The following CEP290 variants were observed in gnomAD, a reference collection of about 807,000 sequenced individuals.
CEP290 encodes the protein centrosomal protein of 290 kDa.
CEP290 carries 317 observed loss-of-function variants against 344.9 expected under a neutral mutation model. The observed-to-expected ratio is 0.92, with a 90% CI of 0.84 to 1.01. CEP290 has a LOEUF of 1.01. Among genes scored for constraint, CEP290 ranks in the 50% least tolerant of loss-of-function variants. CEP290 has a pLI of 0.00. For synonymous variants in CEP290, 932 were observed against 895.8 expected, an observed-to-expected ratio of 1.04 and a Z score of -0.72; for missense variants, 2,754 against 2,761.4, an observed-to-expected ratio of 1.00 and a Z score of 0.06.
intron 7 of CEP290, 131 bp from the exon 8 acceptor site, chr12:88,130,696 A>G: frequency 1.7e-6 from 1 of 586,818 alleles, no homozygotes; most frequent in East Asian, 3.2e-5. Context: ...ATAACCAAAG[A>G]AAGAATACTA....
chr12:88,132,615 G>C (rs2040141732), intron 6 of CEP290, among the ~76,000 whole-genome samples: 1 of 152,144 alleles, frequency 6.6e-6, no homozygotes, highest in African/African-American at 2.4e-5. Context: ...ACAAACAAGA[G>C]ACAGAGAAAT....
intron 17 of CEP290, among the ~76,000 whole-genome samples, chr12:88,117,802 A>G (rs1038600757): frequency 1.3e-5 from 2 of 152,192 alleles, no homozygotes; most frequent in Non-Finnish European, 2.9e-5. Flanking sequence ...TGGGGAGCCA[A>G]AGTGGATGGA....
In CEP290 at chr12:88,111,689, C is replaced by A. The variant is rs992339079; in HGVS notation, c.2217+5G>T. 9.6e-6 allele frequency: 15 copies of A among 1,556,558 alleles called. No homozygotes were observed. Among genetic ancestry groups the A allele is most frequent in the Non-Finnish European group, 1.2e-5 (14 of 1,159,408 alleles). ...GCATTTTCTTTTATTTAATAAAATT[C>A]TCACCTTTAAATTAGCTTTTGCCAA... On this transcript the variant is annotated splice_donor_5th_base_variant and intron_variant, in intron 21 of 53. Transcript: ENST00000552810.
intron 51 of CEP290, among the ~76,000 whole-genome samples, chr12:88,054,010 A>G (rs2033791544): frequency 6.6e-6 from 1 of 152,212 alleles, no homozygotes; most frequent in Non-Finnish European, 1.5e-5. Flanking sequence ...AAAGCAGGCT[A>G]CAGAGACCCC....
chr12:88,059,035 T>C lies in CEP290; in HGVS notation c.6646-15A>G. 1 of 1,585,190 alleles carries C rather than the reference T, an allele frequency of 6.3e-7. No individual in the cohort carries two copies. The highest frequency in any genetic ancestry group is 2.2e-5 in the East Asian group (1 of 44,698). On this transcript the variant is annotated splice_polypyrimidine_tract_variant and intron_variant, in intron 48 of 53. Transcript: ENST00000552810. ...GCATCAGTTTCCTATCATTAAATGC[T>C]AATTAGTATTTTATGAGAAAACATA...
chr12:88,109,765 C>G (rs1171161279), intron 22 of CEP290, among the ~76,000 whole-genome samples: 1 of 152,102 alleles, frequency 6.6e-6, no homozygotes, highest in Non-Finnish European at 1.5e-5. Context: ...CCACTTTGGA[C>G]AGCTTTTCAG....
At chr12:88,120,504 C>T (rs1411564137) in intron 14 of CEP290, among the ~76,000 whole-genome samples, 1 of 152,058 alleles carries the variant, frequency 6.6e-6, no homozygotes, top group East Asian at 1.9e-4. Flanking sequence ...GGCAAAGTGA[C>T]TCTGAATATG....
At chr12:88,098,147 A>T (rs2037581577) in intron 26 of CEP290, among the ~76,000 whole-genome samples, 1 of 151,416 alleles carries the variant, frequency 6.6e-6, no homozygotes, top group East Asian at 1.9e-4. Flanking sequence ...AGTGCTAAAA[A>T]TACAAAAATT....
Position 88,106,848 on chromosome 12 carries a change from T to C in CEP290, c.2644A>G (p.Asn882Asp), listed in dbSNP as rs1389791714. The change falls in exon 25 of 54, where the codon AAT becomes GAT. Residue 882 changes from asparagine (N) to aspartate (D), a missense_variant. Coordinates refer to ENST00000552810, the MANE Select transcript of CEP290 (RefSeq NM_025114.4). ...TGCAAAACAGTAATTTTCCTACTATTTTCTGCAAGTATTTTTTTCATTTCA... is the reference window on the plus strand; with the variant it reads ...TGCAAAACAGTAATTTTCCTACTATCTTCTGCAAGTATTTTTTTCATTTCA... ...SDEMKKILAE[N>D]SRKITVLQVN... is the part of the protein sequence containing the mutation. 3.7e-6 allele frequency: 6 copies of C among 1,607,982 alleles called. No homozygotes were observed. Among genetic ancestry groups the C allele is most frequent in the Non-Finnish European group, 5.1e-6 (6 of 1,176,868 alleles).
chr12:88,050,091 C>A, intron 53 of CEP290: 1 of 267,576 alleles, frequency 3.7e-6, no homozygotes, highest in Non-Finnish European at 6.9e-6. Context: ...CCAATGTGAC[C>A]CAAAACTTAA....
chr12:88,055,657 A>G lies in CEP290; in HGVS notation c.6879T>C (p.Ile2293=), dbSNP rs1592725976. The change falls in exon 50 of 54, where the codon ATT becomes ATC. Residue 2293 remains isoleucine (I), a synonymous_variant. Transcript: ENST00000552810. ...CTTTTACAAGCTGTTTAAGGTCAGTAATGCTTTGATTTTTTTTGGCAATAT... is the reference window on the plus strand; with the variant it reads ...CTTTTACAAGCTGTTTAAGGTCAGTGATGCTTTGATTTTTTTTGGCAATAT... ...ETDIAKKNQS[I]TDLKQLVKEA... 1.3e-6 allele frequency: 2 copies of G among 1,562,378 alleles called. No individual in the cohort carries two copies. Among genetic ancestry groups the G allele is most frequent in the Non-Finnish European group, 1.7e-6 (2 of 1,153,954 alleles).
chr12:88,055,304 G>A (rs988704898), intron 50 of CEP290, among the ~76,000 whole-genome samples: 5 of 152,120 alleles, frequency 3.3e-5, no homozygotes, highest in African/African-American at 1.2e-4. Flanking sequence ...AAGACTGGTA[G>A]TGATGTCTCA....
chr12:88,116,770 C>G (rs973662661), intron 18 of CEP290, among the ~76,000 whole-genome samples: 1 of 151,800 alleles, frequency 6.6e-6, no homozygotes, highest in Non-Finnish European at 1.5e-5. Context: ...GTCAGAAGAT[C>G]GAGACCATCC....
intron 6 of CEP290, 51 bp from the exon 7 acceptor site, chr12:88,131,269 TA>T: frequency 7.8e-7 from 1 of 1,283,728 alleles, no homozygotes; most frequent in Non-Finnish European, 1.0e-6. Flanking sequence ...AATTCAGCAG[TA>T]ATTTTTTTTT....
At chr12:88,135,365 AATG>A (rs1361767084) in intron 6 of CEP290, among the ~76,000 whole-genome samples, 11 of 152,290 alleles carry the variant, frequency 7.2e-5, no homozygotes, top group Middle Eastern at 3.4e-3. Context: ...GTGTGGTATG[AATG>A]ATAAGTCAAC....
At chr12:88,132,697 T>C (rs1255510747) in intron 6 of CEP290, among the ~76,000 whole-genome samples, 2 of 152,144 alleles carry the variant, frequency 1.3e-5, no homozygotes, top group Non-Finnish European at 2.9e-5. Flanking sequence ...GGTGAATCTA[T>C]ATGAAGGGTA....
intron 36 of CEP290, among the ~76,000 whole-genome samples, 165 bp from the exon 37 acceptor site, chr12:88,083,395 A>T (rs1489642032): frequency 6.6e-6 from 1 of 152,240 alleles, no homozygotes; most frequent in Non-Finnish European, 1.5e-5. Context: ...TGCAGACTTT[A>T]TTATTTGTAT....
At chr12:88,128,695 G>A (rs541410467) in intron 11 of CEP290, among the ~76,000 whole-genome samples, 316 of 152,066 alleles carry the variant, frequency 2.1e-3, no homozygotes, top group Non-Finnish European at 3.2e-3. Context: ...ATATATTTTG[G>A]AGTTAGACTT....
chr12:88,059,404 CA>C (rs755370782), intron 48 of CEP290, among the ~76,000 whole-genome samples: 4 of 151,844 alleles, frequency 2.6e-5, no homozygotes, highest in Non-Finnish European at 5.9e-5. Context: ...CAACGTAGAT[CA>C]TTTCTTTTTT....
Sources: gnomAD v4.1 joint callset for allele counts (sites outside exome capture counted in the v4.1 genomes callset) on GRCh38, gnomAD v4.1.1 for gene constraint, MANE v1.5 for transcripts, NCBI Gene and HGNC (gene_info 2026-07-23, HGNC 2026-07-21) for gene names.